Variants in EPB41L1 observed in about 807,000 individuals in gnomAD.
The protein encoded by EPB41L1 is erythrocyte membrane protein band 4.1 like 1.
A neutral mutation model predicts 97.8 loss-of-function variants in EPB41L1; 29 were observed. The ratio of observed to expected loss-of-function variants is 0.30; its 90% CI spans 0.22 to 0.40. EPB41L1 has a LOEUF of 0.40. EPB41L1 is among the 10% of genes least tolerant of loss of function. The probability of loss-of-function intolerance (pLI) is 1.00; values close to 1 mark genes in which losing one functional copy is unlikely to be tolerated. For synonymous variants in EPB41L1, 383 were observed against 459.2 expected, an observed-to-expected ratio of 0.83 and a Z score of 2.12; for missense variants, 812 against 1,162.3, an observed-to-expected ratio of 0.70 and a Z score of 4.38.
chr20:36,091,886 C>G (rs1207901616), intron 1 of EPB41L1: 1 of 152,288 alleles, frequency 6.6e-6, no homozygotes, highest in Non-Finnish European at 1.5e-5. Flanking sequence ...GTTAGTTCCT[C>G]CTCTCTCCTA....
chr20:36,219,408 C>A (rs1467678752), intron 18 of EPB41L1, among the ~76,000 whole-genome samples: 2 of 152,160 alleles, frequency 1.3e-5, no homozygotes, highest in Non-Finnish European at 2.9e-5. Context: ...TTGTTTAGCT[C>A]CGCAGAGAGC....
Position 36,134,915 on chromosome 20 carries a change from A to G in EPB41L1, c.-10+22435A>G, listed in dbSNP as rs148432206. On this transcript the variant is annotated intron_variant, in intron 2 of 19. Coordinates refer to the EPB41L1 transcript ENST00000202028. ...CACTCTGTTGCCCAGGCTAGAGTGCAGTGGCTTGATCACGGCCCACTGCAT... is the reference window on the plus strand; with the variant it reads ...CACTCTGTTGCCCAGGCTAGAGTGCGGTGGCTTGATCACGGCCCACTGCAT... 1.8e-3 allele frequency among the ~76,000 whole-genome samples: 244 copies of G among 132,222 alleles called. 1 individual carries two copies. Among genetic ancestry groups the G allele is most frequent in the African/African-American group, 6.9e-3 (233 of 33,970 alleles). 86.7% of individuals were successfully genotyped at this position (132,222 alleles called of 152,430 possible). A position where few individuals can be genotyped will look rare whatever the true frequency, so the allele number is the denominator to read the frequency against.
intron 16 of EPB41L1, 144 bp from the exon 17 acceptor site, chr20:36,214,213 T>A (rs2063308912): frequency 1.6e-6 from 1 of 640,422 alleles, no homozygotes; most frequent in Non-Finnish European, 2.9e-6. Context: ...TGCACCTCTG[T>A]GATTTGGTCT....
At chr20:36,101,778 G>T (rs574718597) in intron 1 of EPB41L1, among the ~76,000 whole-genome samples, 63 of 152,152 alleles carry the variant, frequency 4.1e-4, no homozygotes, top group Non-Finnish European at 7.6e-4. Flanking sequence ...GGAGGCTGAG[G>T]CAGGTGGATC....
intron 5 of EPB41L1, among the ~76,000 whole-genome samples, chr20:36,179,885 C>T (rs1014904631): frequency 3.3e-5 from 5 of 152,212 alleles, no homozygotes; most frequent in Admixed American, 6.5e-5. Context: ...GACAGATCCT[C>T]CGCCTGGGCT....
chr20:36,164,691 A>G (rs945133363), intron 1 of EPB41L1, among the ~76,000 whole-genome samples: 1 of 151,646 alleles, frequency 6.6e-6, no homozygotes, highest in African/African-American at 2.4e-5. Flanking sequence ...TTATTTATCT[A>G]ATTTTATTTT....
In EPB41L1 at chr20:36,209,710, A is replaced by G. The variant is rs757726650; in HGVS notation, c.1891A>G (p.Ser631Gly). Residue 631 changes from serine to glycine, a missense_variant, in exon 15 of 22, where the codon AGC becomes GGC. Transcript: ENST00000338074. This position sits in a 1 kb window ranked among gnomAD's most constrained non-coding sequence, Gnocchi z 4.2. Reference sequence around the variant, plus strand: ...CACGGTCATTGGTGACTACCATGGCAGCGCCTTCGAAGACTTCTCCCGCAG... The same window carrying G: ...CACGGTCATTGGTGACTACCATGGCGGCGCCTTCGAAGACTTCTCCCGCAG... ...DFTVIGDYHG[S>G]AFEDFSRSLP... is the part of the protein sequence containing the mutation. 3.1e-6 allele frequency: 5 copies of G among 1,614,042 alleles called. No individual in the cohort carries two copies. Among genetic ancestry groups the G allele is most frequent in the Admixed American group, 1.7e-5 (1 of 60,024 alleles).
intron 2 of EPB41L1, among the ~76,000 whole-genome samples, chr20:36,174,267 T>C (rs1766484590): frequency 1.3e-5 from 2 of 151,698 alleles, no homozygotes; most frequent in African/African-American, 4.8e-5. Flanking sequence ...GTTTTAACTT[T>C]CTTTTTTTTT....
At chr20:36,200,663 C>CA (rs1394416449) in intron 14 of EPB41L1, among the ~76,000 whole-genome samples, 1 of 152,190 alleles carries the variant, frequency 6.6e-6, no homozygotes, top group Non-Finnish European at 1.5e-5. Flanking sequence ...CTCAGAAGGG[C>CA]AGTCCCTCCC....
rs1233375964 is a variant in EPB41L1 at position 36,212,352 on chromosome 20, A to G, written c.2160A>G (p.Arg720=). 2 of 1,614,188 alleles carry G rather than the reference A, an allele frequency of 1.2e-6. No homozygotes were observed. The highest frequency in any genetic ancestry group is 1.1e-5 in the South Asian group (1 of 91,082). Residue 720 remains arginine (R), a synonymous_variant, in exon 16 of 22, where the codon AGA becomes AGG. Coordinates refer to ENST00000338074, the MANE Select transcript of EPB41L1 (RefSeq NM_012156.2). This position sits in a 1 kb window ranked among gnomAD's most constrained non-coding sequence, Gnocchi z 4.8. ...AGCCGGAGGCCGTACTGCAGACCAG[A>G]GTCTCCGCTATGGATAACACCCAGG... The part of the protein sequence containing the change: ...KIEPEAVLQT[R]VSAMDNTQQV...
intron 21 of EPB41L1, among the ~76,000 whole-genome samples, chr20:36,228,143 G>T (rs2064287579): frequency 6.6e-6 from 1 of 152,184 alleles, no homozygotes; most frequent in South Asian, 2.1e-4. Flanking sequence ...TAGCAGAAAT[G>T]ATGTTTCATC....
At chr20:36,194,089 T>G in intron 11 of EPB41L1, 123 bp from the exon 12 acceptor site, 1 of 1,292,262 alleles carries the variant, frequency 7.7e-7, no homozygotes, top group Non-Finnish European at 1.1e-6. Context: ...CTCTGGGCAA[T>G]GGGTGAGGGG....
chr20:36,157,241 G>T lies in EPB41L1; in HGVS notation c.-15+2345G>T, dbSNP rs528571936. ...CCCTCTCAAAGAAAAAAAAAGGGCG[G>T]GGAGGATGATCATCTCTGCCTGGAG... On this transcript the variant is annotated intron_variant, in intron 1 of 21. Coordinates refer to ENST00000338074, the MANE Select transcript of EPB41L1 (RefSeq NM_012156.2). Among the ~76,000 whole-genome samples, 3 of 152,218 alleles carry T rather than the reference G, an allele frequency of 2.0e-5. No individual in the cohort carries two copies. The East Asian group carries it at 5.8e-4, about 29-fold the overall frequency.
In EPB41L1 at chr20:36,222,382, C is replaced by A. The variant is rs1315361487; in HGVS notation, c.2625C>A (p.Asp875Glu). ...RETDPSPEER[D>E]KKPQES is the part of the protein sequence containing the mutation. ...CAGACCCATCCCCAGAGGAGAGGGA[C>A]AAGAAGCCACAGGTAAGGCTCCTGA... Residue 875 changes from aspartate (D) to glutamate (E), a missense_variant, in exon 21 of 22, where the codon GAC becomes GAA. Asp to Glu is a conservative substitution (Grantham distance 45, BLOSUM62 2). This residue lies in a region of EPB41L1 where 498 missense variants were observed against 622.7 expected (regional missense o/e 0.80). Transcript: ENST00000338074. The A allele has an allele frequency of 4.3e-6, 7 of 1,613,424 alleles. No homozygotes were observed. The African/African-American group carries it at 9.3e-5, about 22-fold the overall frequency.
intron 2 of EPB41L1, 146 bp from the exon 3 acceptor site, chr20:36,175,405 C>A (rs2061184833): frequency 1.1e-6 from 1 of 888,764 alleles, no homozygotes; most frequent in Non-Finnish European, 1.8e-6. Context: ...GCCATGGACC[C>A]TAGTTGCCCT....
rs556672702 is a variant in EPB41L1, at chr20:36,188,523, C to T, written c.1026+24C>T. On this transcript the variant is annotated intron_variant, in intron 9 of 21. Coordinates refer to ENST00000338074, the MANE Select transcript of EPB41L1 (RefSeq NM_012156.2). ...AGGTGAGTCTGCCTTGGGAAACACT[C>T]CTCCTCACCGGAATCAACTAGAATG... The T allele has an allele frequency of 2.3e-4, 361 of 1,593,390 alleles. 5 individuals are homozygous for T. The Admixed American group carries it at 5.4e-3, about 24-fold the overall frequency.
chr20:36,184,487 T>G (rs1403223625), intron 6 of EPB41L1, among the ~76,000 whole-genome samples: 1 of 152,202 alleles, frequency 6.6e-6, no homozygotes, highest in African/African-American at 2.4e-5. Flanking sequence ...ACAATTTACT[T>G]AGAGCTGGAG....
intron 3 of EPB41L1, among the ~76,000 whole-genome samples, chr20:36,176,814 T>C (rs2061255965): frequency 6.6e-6 from 1 of 151,998 alleles, no homozygotes; most frequent in Non-Finnish European, 1.5e-5. Flanking sequence ...GTATTTTTAG[T>C]AGAGACAGGG....
intron 21 of EPB41L1, among the ~76,000 whole-genome samples, chr20:36,223,145 G>A (rs1410943576): frequency 3.3e-5 from 5 of 152,228 alleles, no homozygotes; most frequent in East Asian, 1.9e-4. Context: ...TGATCTGCCC[G>A]CCTTGGCCTC....
Sources: gnomAD v4.1 joint callset for allele counts (sites outside exome capture counted in the v4.1 genomes callset) on GRCh38, gnomAD v4.1.1 for gene constraint, gnomAD v4.1.1 regional missense constraint, Gnocchi (gnomAD v3.1) non-coding constraint, MANE v1.5 for transcripts, NCBI Gene and HGNC (gene_info 2026-07-23, HGNC 2026-07-21) for gene names.